Variants in CSMD1 observed in about 807,000 individuals in gnomAD.
CSMD1 encodes CUB and Sushi multiple domains 1, also known as CUB and sushi domain-containing protein 1.
A neutral mutation model predicts 417.5 loss-of-function variants in CSMD1; 213 were observed. That is an observed-to-expected ratio of 0.51 (90% CI 0.46 to 0.57). CSMD1 has a LOEUF of 0.57. Among genes scored for constraint, CSMD1 ranks in the 20% least tolerant of loss-of-function variants. The pLI, the probability that CSMD1 is intolerant of heterozygous loss-of-function variation, is 0.00. For synonymous variants in CSMD1, 2,862 were observed against 1,736.8 expected (o/e 1.65, Z -16.11); for missense variants, 6,923 against 4,529.7 (o/e 1.53, Z -15.17).
intron 16 of CSMD1, among the ~76,000 whole-genome samples, chr8:3,398,095 C>G (rs1811811576): frequency 6.6e-6 from 1 of 152,122 alleles, no homozygotes; most frequent in Non-Finnish European, 1.5e-5. Flanking sequence ...AAGCAAATAT[C>G]TTCCTTCAGG....
At chr8:4,983,529 T>G (rs2117443278) in intron 1 of CSMD1, among the ~76,000 whole-genome samples, 2 of 152,190 alleles carry the variant, frequency 1.3e-5, no homozygotes, top group Middle Eastern at 6.8e-3. Flanking sequence ...GAATAACACT[T>G]TTTGTTTTTT....
intron 7 of CSMD1, among the ~76,000 whole-genome samples, chr8:3,646,111 G>T (rs1797557469): frequency 6.6e-6 from 1 of 150,406 alleles, no homozygotes; most frequent in African/African-American, 2.4e-5. Flanking sequence ...CTTCAGCCGA[G>T]AAAACCTTTT....
intron 7 of CSMD1, among the ~76,000 whole-genome samples, chr8:3,630,931 G>A (rs1335714841): frequency 6.6e-6 from 1 of 152,168 alleles, no homozygotes; most frequent in Non-Finnish European, 1.5e-5. Flanking sequence ...GAGAAACATG[G>A]TATTCACTTT....
chr8:3,818,165 C>T (rs976243165), intron 5 of CSMD1, among the ~76,000 whole-genome samples: 3 of 151,992 alleles, frequency 2.0e-5, no homozygotes, highest in Admixed American at 1.3e-4. Context: ...CTCTGACACT[C>T]ATAGGATGCC....
At chr8:4,535,146 T>C (rs1797041113) in intron 2 of CSMD1, among the ~76,000 whole-genome samples, 1 of 152,154 alleles carries the variant, frequency 6.6e-6, no homozygotes, top group African/African-American at 2.4e-5. Context: ...ATATAACAAC[T>C]TTGAAAATTA....
chr8:3,464,631 T>A (rs1020835530), intron 12 of CSMD1, among the ~76,000 whole-genome samples: 1 of 150,126 alleles, frequency 6.7e-6, no homozygotes, highest in Non-Finnish European at 1.5e-5. Flanking sequence ...TATATATAGG[T>A]AGAATCTATA....
At chr8:4,830,585 A>T (rs1800093169) in intron 1 of CSMD1, among the ~76,000 whole-genome samples, 1 of 152,224 alleles carries the variant, frequency 6.6e-6, no homozygotes, top group Non-Finnish European at 1.5e-5. Flanking sequence ...AATTAGATAG[A>T]TGACAAACAC....
At chr8:4,049,679 T>G (rs1163212571) in intron 3 of CSMD1, among the ~76,000 whole-genome samples, 2 of 152,162 alleles carry the variant, frequency 1.3e-5, no homozygotes, top group Non-Finnish European at 2.9e-5. Flanking sequence ...GTATAGATAT[T>G]TTTATGAATT....
chr8:3,282,891 A>G (rs1357372688), intron 26 of CSMD1, among the ~76,000 whole-genome samples: 1 of 152,158 alleles, frequency 6.6e-6, no homozygotes, highest in African/African-American at 2.4e-5. Context: ...ATTGAGTCTG[A>G]ATGTGTTTGT....
At chr8:4,111,371 C>T (rs559643206) in intron 3 of CSMD1, among the ~76,000 whole-genome samples, 2 of 152,052 alleles carry the variant, frequency 1.3e-5, no homozygotes, top group Non-Finnish European at 2.9e-5. Context: ...ATGAAATACA[C>T]ATGGAAATAA....
chr8:3,155,895 G>A (rs959021043), intron 39 of CSMD1, among the ~76,000 whole-genome samples: 35 of 152,152 alleles, frequency 2.3e-4, no homozygotes, highest in African/African-American at 7.2e-4. Flanking sequence ...CAGGTTTCGT[G>A]CAGTTTTATT....
chr8:3,480,683 G>C (rs1277318378), intron 11 of CSMD1, among the ~76,000 whole-genome samples: 1 of 151,878 alleles, frequency 6.6e-6, no homozygotes, highest in Non-Finnish European at 1.5e-5. Context: ...CAACCAAAAA[G>C]AAACAAAATG....
intron 3 of CSMD1, among the ~76,000 whole-genome samples, chr8:4,119,952 A>AG (rs1203340756): frequency 2.2e-3 from 1 of 456 alleles, no homozygotes; most frequent in Non-Finnish European, 0.028. Context: ...AATAGGTATC[A>AG]AAAAAATTAG....
chr8:3,355,652 C>G (rs939310376), intron 21 of CSMD1, among the ~76,000 whole-genome samples: 1 of 152,154 alleles, frequency 6.6e-6, no homozygotes, highest in African/African-American at 2.4e-5. Flanking sequence ...GGAAGCCACC[C>G]AGTGCTTTAC....
intron 2 of CSMD1, among the ~76,000 whole-genome samples, chr8:4,482,688 C>T (rs1801163665): frequency 6.6e-6 from 1 of 152,146 alleles, no homozygotes; most frequent in African/African-American, 2.4e-5. Flanking sequence ...TCCACAATGG[C>T]TGAAATAATT....
chr8:3,273,311 A>G (rs1487923193), intron 26 of CSMD1, among the ~76,000 whole-genome samples: 1 of 151,914 alleles, frequency 6.6e-6, no homozygotes, highest in African/African-American at 2.4e-5. Flanking sequence ...AAGCTTTTTG[A>G]TGTGCTGCTG....
chr8:4,024,018 G>C (rs1192790280), intron 4 of CSMD1, among the ~76,000 whole-genome samples: 3 of 151,988 alleles, frequency 2.0e-5, no homozygotes, highest in African/African-American at 4.8e-5. Flanking sequence ...ACACTGCAAA[G>C]GTTCTATTGC....
At chr8:4,083,896 G>A (rs1416690566) in intron 3 of CSMD1, among the ~76,000 whole-genome samples, 3 of 152,106 alleles carry the variant, frequency 2.0e-5, no homozygotes, top group African/African-American at 4.8e-5. Flanking sequence ...CCACCAGAGT[G>A]AACAGGCGAC....
intron 2 of CSMD1, among the ~76,000 whole-genome samples, chr8:4,544,311 C>A (rs1017952456): frequency 4.6e-5 from 7 of 151,974 alleles, no homozygotes; most frequent in African/African-American, 1.7e-4. Context: ...TTGTCAATAT[C>A]TAAATTTATT....
Sources: allele counts gnomAD v4.1 joint callset (sites outside exome capture counted in the v4.1 genomes callset), GRCh38; gene constraint gnomAD v4.1.1; transcripts MANE v1.5; gene names NCBI Gene and HGNC (gene_info 2026-07-23, HGNC 2026-07-21).